Variants in BAZ2A observed in about 807,000 individuals in gnomAD.
The protein encoded by BAZ2A is bromodomain adjacent to zinc finger domain 2A.
In BAZ2A, 34 loss-of-function variants were observed where a neutral mutation model predicts 199.9. The observed-to-expected ratio is 0.17, with a 90% CI of 0.13 to 0.23. BAZ2A has a LOEUF of 0.23. Ranked by LOEUF, BAZ2A falls within the 10% of genes least tolerant of loss-of-function variation. The pLI, the probability that BAZ2A is intolerant of heterozygous loss-of-function variation, is 1.00. For synonymous variants in BAZ2A, 857 were observed against 883.9 expected, an observed-to-expected ratio of 0.97 and a Z score of 0.54; for missense variants, 2,002 against 2,391.1, an observed-to-expected ratio of 0.84 and a Z score of 3.39.
chr12:56,633,251 G>T (rs983909225), upstream of BAZ2A, among the ~76,000 whole-genome samples: 1 of 152,130 alleles, frequency 6.6e-6, no homozygotes, highest in African/African-American at 2.4e-5. Context: ...GGAGGAGGAA[G>T]AGAGAGAAGG....
Position 56,605,244 on chromosome 12 carries a change from C to A in BAZ2A, c.2577G>T (p.Leu859=). The A allele has an allele frequency of 6.2e-7, 1 of 1,613,796 alleles. No individual in the cohort carries two copies. Among genetic ancestry groups the A allele is most frequent in the South Asian group, 1.1e-5 (1 of 91,060 alleles). Residue 859 remains leucine (L), a synonymous_variant, in exon 14 of 29, where the codon CTG becomes CTT. Coordinates refer to ENST00000549884, the MANE Select transcript of BAZ2A (RefSeq NM_001300905.2). The stretch of plus-strand genomic sequence containing the variant: ...AGCCCAGCACCTTGCCAAAGCTATG[C>A]AGGAACTCCACAATGGTCAAGCAGT... ...FSDCLTIVEF[L]HSFGKVLGFD...
intron 1 of BAZ2A, among the ~76,000 whole-genome samples, chr12:56,624,619 A>C (rs551933395): frequency 2.2e-4 from 34 of 151,414 alleles, no homozygotes; most frequent in Middle Eastern, 3.4e-3. Context: ...CAGAGAACAA[A>C]AAAAAAAAAA....
intron 1 of BAZ2A, among the ~76,000 whole-genome samples, chr12:56,618,431 C>A (rs1415293352): frequency 6.6e-6 from 1 of 151,848 alleles, no homozygotes; most frequent in African/African-American, 2.4e-5. Flanking sequence ...AGCCCTTGAT[C>A]AGAATGAATT....
Position 56,610,404 on chromosome 12 carries a change from A to G in BAZ2A, c.1779+5T>C. On this transcript the variant is annotated splice_donor_5th_base_variant and intron_variant, in intron 8 of 28. Coordinates refer to ENST00000549884, the MANE Select transcript of BAZ2A (RefSeq NM_001300905.2). ...AAAGCAGTCCTTTAAAAAAAGCTAC[A>G]TTACCTTGATCACTTCTGGAAATTG... is the stretch of plus-strand genomic sequence containing the variant. 6.2e-7 allele frequency: 1 copy of G among 1,613,156 alleles called. No individual in the cohort carries two copies. The highest frequency in any genetic ancestry group is 8.5e-7 in the Non-Finnish European group (1 of 1,179,524).
chr12:56,599,057 T>C (rs1312510589), intron 27 of BAZ2A, 46 bp from the exon 28 acceptor site: 1 of 1,603,762 alleles, frequency 6.2e-7, no homozygotes, highest in African/African-American at 1.3e-5. Flanking sequence ...GAAGCAAATA[T>C]ACTGACCCCT....
intron 13 of BAZ2A, chr12:56,605,542 C>T: frequency 1.6e-6 from 1 of 622,584 alleles, no homozygotes; most frequent in Non-Finnish European, 2.7e-6. Context: ...CCACCTCAGT[C>T]TCTCAAATAG....
upstream of BAZ2A, among the ~76,000 whole-genome samples, chr12:56,637,627 A>T (rs534927232): frequency 7.5e-4 from 114 of 152,324 alleles, no homozygotes; most frequent in African/African-American, 2.5e-3. Flanking sequence ...ATTCTTCATC[A>T]CTATTTCTTG....
At position 56,615,416 on chromosome 12, in the gene BAZ2A, G is replaced by T; in HGVS notation, c.328C>A (p.Leu110Ile). The T allele has an allele frequency of 6.2e-7, 1 of 1,613,402 alleles. No individual in the cohort carries two copies. The highest frequency in any genetic ancestry group is 8.5e-7 in the Non-Finnish European group (1 of 1,179,828). Residue 110 changes from leucine (L) to isoleucine (I), a missense_variant, in exon 3 of 29, where the codon CTT (leucine) becomes ATT (isoleucine). This residue lies in a region of BAZ2A where 641 missense variants were observed against 694.5 expected (regional missense o/e 0.92). Transcript: ENST00000549884. ...TGTCCCCCCGAGAACTGGGAGAGAA[G>T]GGGTGGGTCCTTGAGGTTGCTGCCA... ...NPGSNLKDPP[L>I]LSQFSGGQYP...
intron 15 of BAZ2A, 92 bp from the exon 16 acceptor site, chr12:56,604,383 C>A: frequency 7.1e-7 from 1 of 1,411,590 alleles, no homozygotes; most frequent in Non-Finnish European, 9.7e-7. Flanking sequence ...AAAAGGAGTT[C>A]CAGCCTAGAA....
intron 1 of BAZ2A, among the ~76,000 whole-genome samples, chr12:56,624,616 C>CAAAAAA (rs67249064): frequency 1.7e-5 from 1 of 59,434 alleles, no homozygotes. Context: ...TTTCAGAGAA[C>CAAAAAA]AAAAAAAAAA....
chr12:56,613,932 G>GGACATAGCCTCCAAAC, intron 4 of BAZ2A, 21 bp downstream of exon 4: 1 of 1,607,154 alleles, frequency 6.2e-7, no homozygotes. Context: ...TAAGTTAAAG[G>GGACATAGCCTCCAAAC]GACATAGCCT....
intron 10 of BAZ2A, 30 bp downstream of exon 10, chr12:56,609,693 TCATGGAGGGAGCA>T (rs1330904909): frequency 6.4e-7 from 1 of 1,571,280 alleles, no homozygotes; most frequent in African/African-American, 1.3e-5. Context: ...TTTAGATACC[TCATGGAGGGAGCA>T]GAATCCCAAA....
Position 56,617,400 on chromosome 12 carries a change from C to A in BAZ2A, c.131G>T (p.Gly44Val). ...CAAGCAGCCCTCACACTCACTTTTCCCTTGCTGGGGGAAGTTCATGGGAGA... is the reference window on the plus strand; with the variant it reads ...CAAGCAGCCCTCACACTCACTTTTCACTTGCTGGGGGAAGTTCATGGGAGA... Reference protein sequence around the residue: ...NGSPMNFPQQGKSLNGDVNVN... With the variant: ...NGSPMNFPQQVKSLNGDVNVN... The change falls in exon 2 of 29, where the codon GGG becomes GTG. Residue 44 changes from glycine to valine, a missense_variant. Physicochemically the swap from Gly to Val is moderately radical, Grantham distance 109 (BLOSUM62 -3). Transcript: ENST00000549884. 1 of 1,599,052 alleles carries A rather than the reference C, an allele frequency of 6.3e-7. No homozygotes were observed. Among genetic ancestry groups the A allele is most frequent in the Non-Finnish European group, 8.5e-7 (1 of 1,172,896 alleles).
At chr12:56,626,973 C>G (rs1417931125) in intron 1 of BAZ2A, among the ~76,000 whole-genome samples, 1 of 152,190 alleles carries the variant, frequency 6.6e-6, no homozygotes, top group Admixed American at 6.5e-5. Flanking sequence ...ATATCAAAAA[C>G]CCCAACAGCC....
At chr12:56,600,123 GAGA>G (rs774149775) in intron 24 of BAZ2A, 27 bp from the exon 25 acceptor site, 1 of 1,613,456 alleles carries the variant, frequency 6.2e-7, no homozygotes, top group Non-Finnish European at 8.5e-7. Flanking sequence ...GTGATCTTTG[GAGA>G]AGGAGCGGAT....
chr12:56,605,094 A>G lies in BAZ2A; in HGVS notation c.2727T>C (p.Pro909=). The G allele has an allele frequency of 1.2e-6, 2 of 1,608,630 alleles. No homozygotes were observed. Among genetic ancestry groups the G allele is most frequent in the Admixed American group, 1.7e-5 (1 of 59,758 alleles). The change falls in exon 14 of 29, where the codon CCT becomes CCC. Residue 909 remains proline (P), a synonymous_variant. Transcript: ENST00000549884. ...VRLLKAALHD[P]GFPSYCQSLK... ...TCACCTGACAGTAGGAGGGAAAGCC[A>G]GGATCATGGAGTGCAGCCTTCAGCA...
rs1471894319 is a variant in BAZ2A at position 56,605,975 on chromosome 12, T to G, written c.2348A>C (p.Lys783Thr). 3 of 1,551,792 alleles carry G rather than the reference T, an allele frequency of 1.9e-6. No individual in the cohort carries two copies. In the Admixed American group the frequency reaches 5.9e-5, roughly 30 times the overall value. ...EKKEKVKMKE[K>T]EEVTKAKPAC... The stretch of plus-strand genomic sequence containing the variant: ...TGGCTTGGCTTTGGTCACCTCCTCC[T>G]TTTCCTTCATTTTTACCTTCTCCTT... The change falls in exon 13 of 29, where the codon AAG becomes ACG. Residue 783 changes from lysine (K) to threonine (T), a missense_variant. Transcript: ENST00000549884.
At position 56,626,068 on chromosome 12, in the gene BAZ2A, C is replaced by T. The variant is rs527678361; in HGVS notation, c.-3+4057G>A. ...ACAGTATCTTCAAAGTATCAGATAT[C>T]TTCAAAGATGGGCTTTTTTGTTTTG... On this transcript the variant is annotated intron_variant, in intron 1 of 28. Coordinates refer to ENST00000549884, the MANE Select transcript of BAZ2A (RefSeq NM_001300905.2). Among the ~76,000 whole-genome samples the T allele has an allele frequency of 2.6e-5, 4 of 152,242 alleles. No homozygotes were observed. The South Asian group carries it at 8.3e-4, about 32-fold the overall frequency.
intron 13 of BAZ2A, 129 bp from the exon 14 acceptor site, chr12:56,605,456 CTG>C: frequency 9.7e-7 from 1 of 1,030,014 alleles, no homozygotes; most frequent in Middle Eastern, 3.2e-4. Context: ...GGGTCTCACT[CTG>C]TCACCCAAGC....
Sources: allele counts gnomAD v4.1 joint callset (sites outside exome capture counted in the v4.1 genomes callset), GRCh38; gene constraint gnomAD v4.1.1; regional missense constraint gnomAD v4.1.1; transcripts MANE v1.5; gene names NCBI Gene and HGNC (gene_info 2026-07-23, HGNC 2026-07-21).